The following ARHGAP15 variants were observed in gnomAD, a reference collection of about 807,000 sequenced individuals.
The protein encoded by ARHGAP15 is rho GTPase-activating protein 15.
In ARHGAP15, 51 loss-of-function variants were observed where a neutral mutation model predicts 63.7. The observed-to-expected ratio is 0.80, with a 90% confidence interval of 0.64 to 1.01. The LOEUF (loss-of-function observed/expected upper bound fraction) is 1.01, where lower values mean the gene tolerates loss of function less well. ARHGAP15 is among the 50% of genes least tolerant of loss of function. The probability of loss-of-function intolerance (pLI) is 0.00; values close to 1 mark genes in which losing one functional copy is unlikely to be tolerated. For missense variants in ARHGAP15, 560 were observed against 564.6 expected (o/e 0.99, Z 0.08); for synonymous variants, 191 against 193.8 (o/e 0.99, Z 0.12).
chr2:143,184,852 C>CTT (rs386391398), intron 2 of ARHGAP15, among the ~76,000 whole-genome samples: 48,072 of 145,100 alleles, frequency 0.33, 7,999 homozygotes, highest in South Asian at 0.47. Context: ...TTTCTTTTTT[C>CTT]TTTTTTTTTT....
At chr2:143,709,501 T>C (rs1574870647) in intron 13 of ARHGAP15, among the ~76,000 whole-genome samples, 1 of 152,244 alleles carries the variant, frequency 6.6e-6, no homozygotes, top group East Asian at 1.9e-4. Context: ...CCCTTTTGCA[T>C]TGACTCTAAG....
intron 6 of ARHGAP15, among the ~76,000 whole-genome samples, chr2:143,427,693 T>C (rs1456838893): frequency 8.5e-5 from 13 of 152,124 alleles, no homozygotes; most frequent in Admixed American, 8.5e-4. Context: ...TATTGTCTGA[T>C]GTCTAGGACT....
rs989537883 is a variant in ARHGAP15, at chr2:143,634,312, C to T, written c.1138+10045C>T. 2.0e-5 allele frequency among the ~76,000 whole-genome samples: 3 copies of T among 152,256 alleles called. No homozygotes were observed. In the South Asian group the frequency reaches 6.2e-4, roughly 32 times the overall value. On this transcript the variant is annotated intron_variant, in intron 12 of 13. Transcript: ENST00000295095. ...AGCTAAGCTAAAGTTTCTACCCGCA[C>T]CGCACACCACCACCTGTATTCAAAT...
intron 2 of ARHGAP15, among the ~76,000 whole-genome samples, chr2:143,179,935 T>A (rs1463869496): frequency 1.3e-5 from 2 of 151,814 alleles, no homozygotes; most frequent in Non-Finnish European, 2.9e-5. Flanking sequence ...ATATTATTGC[T>A]AAAAAATGCT....
chr2:143,202,361 C>A (rs1177191264), intron 3 of ARHGAP15, among the ~76,000 whole-genome samples, 159 bp downstream of exon 3: 1 of 152,016 alleles, frequency 6.6e-6, no homozygotes, highest in African/African-American at 2.4e-5. Context: ...TCTCTCAAAA[C>A]GTTGCAACAA....
chr2:143,282,657 A>AT (rs1191526024), intron 6 of ARHGAP15, among the ~76,000 whole-genome samples: 10 of 152,142 alleles, frequency 6.6e-5, no homozygotes, highest in African/African-American at 2.4e-4. Context: ...CAGCCAAACC[A>AT]TATCAGGTAA....
intron 2 of ARHGAP15, among the ~76,000 whole-genome samples, chr2:143,193,784 G>A (rs141325660): frequency 7.5e-4 from 114 of 152,302 alleles, no homozygotes; most frequent in African/African-American, 2.6e-3. Context: ...GGTGTCAGTA[G>A]ACTACTGACA....
chr2:143,285,356 C>A, intron 6 of ARHGAP15, among the ~76,000 whole-genome samples: 1 of 151,890 alleles, frequency 6.6e-6, no homozygotes, highest in Non-Finnish European at 1.5e-5. Flanking sequence ...TATATAAACA[C>A]TCAAACTATC....
chr2:143,393,648 T>G (rs947934921), intron 6 of ARHGAP15, among the ~76,000 whole-genome samples: 8 of 148,514 alleles, frequency 5.4e-5, no homozygotes, highest in African/African-American at 2.0e-4. Context: ...GAGAATGGCT[T>G]GAAGCTTGGA....
intron 12 of ARHGAP15, among the ~76,000 whole-genome samples, chr2:143,639,292 T>G (rs1680491690): frequency 6.6e-6 from 1 of 152,136 alleles, no homozygotes; most frequent in Admixed American, 6.6e-5. Context: ...TACTTAAGAC[T>G]TCCATCTTGA....
At chr2:143,189,564 C>T (rs1291144792) in intron 2 of ARHGAP15, among the ~76,000 whole-genome samples, 4 of 150,314 alleles carry the variant, frequency 2.7e-5, no homozygotes, top group East Asian at 1.9e-4. Context: ...CAGGTTCAAG[C>T]GACTCTCATG....
chr2:143,502,850 G>A (rs1693129492), intron 9 of ARHGAP15, among the ~76,000 whole-genome samples: 1 of 152,164 alleles, frequency 6.6e-6, no homozygotes, highest in African/African-American at 2.4e-5. Context: ...CAAATGCTGG[G>A]ATTACAGGTG....
Position 143,415,618 on chromosome 2 carries a change from G to A in ARHGAP15, c.475-19983G>A, listed in dbSNP as rs181481115. Reference sequence around the variant, plus strand: ...AAAGTAAAAAGATTAATCATGTTCCGTTTTAAAAGAATGCTGGTGAAAGGC... The same window carrying A: ...AAAGTAAAAAGATTAATCATGTTCCATTTTAAAAGAATGCTGGTGAAAGGC... On this transcript the variant is annotated intron_variant, in intron 6 of 13. Transcript: ENST00000295095. Among the ~76,000 whole-genome samples the A allele has an allele frequency of 3.6e-4, 55 of 152,228 alleles. 1 individual carries two copies. Among genetic ancestry groups the A allele is most frequent in the Admixed American group, 9.2e-4 (14 of 15,294 alleles).
intron 13 of ARHGAP15, among the ~76,000 whole-genome samples, chr2:143,765,107 ATATGTG>A (rs1420129050): frequency 9.1e-6 from 1 of 110,390 alleles, no homozygotes; most frequent in African/African-American, 4.4e-5. Flanking sequence ...TGCCTCTAAA[ATATGTG>A]TGTGTGTGTG....
chr2:143,510,313 G>A (rs1017229782), intron 9 of ARHGAP15, among the ~76,000 whole-genome samples: 2 of 152,090 alleles, frequency 1.3e-5, no homozygotes, highest in African/African-American at 2.4e-5. Flanking sequence ...TGGAAACTAC[G>A]AGGGCTGTAT....
At chr2:143,406,022 G>A (rs1222789764) in intron 6 of ARHGAP15, among the ~76,000 whole-genome samples, 1 of 151,506 alleles carries the variant, frequency 6.6e-6, no homozygotes, top group Non-Finnish European at 1.5e-5. Flanking sequence ...CTATTTCAGG[G>A]GAGTTTTCAT....
intron 12 of ARHGAP15, among the ~76,000 whole-genome samples, chr2:143,663,723 C>A (rs1681973462): frequency 6.6e-6 from 1 of 151,072 alleles, no homozygotes; most frequent in South Asian, 2.1e-4. Flanking sequence ...GGAGGAAGAT[C>A]TACCAAGCAA....
At chr2:143,504,299 G>A (rs745486859) in intron 9 of ARHGAP15, among the ~76,000 whole-genome samples, 16 of 152,058 alleles carry the variant, frequency 1.1e-4, no homozygotes, top group Non-Finnish European at 2.1e-4. Context: ...TGAGGACCTA[G>A]CATGTGGCAA....
At chr2:143,315,712 A>AT (rs1248153617) in intron 6 of ARHGAP15, among the ~76,000 whole-genome samples, 1 of 152,176 alleles carries the variant, frequency 6.6e-6, no homozygotes, top group African/African-American at 2.4e-5. Flanking sequence ...TCTCTCCAAC[A>AT]TTTTTTAACC....
Sources: gnomAD v4.1 joint callset for allele counts (sites outside exome capture counted in the v4.1 genomes callset) on GRCh38, gnomAD v4.1.1 for gene constraint, MANE v1.5 for transcripts, NCBI Gene and HGNC (gene_info 2026-07-23, HGNC 2026-07-21) for gene names.